Variants in USP3 observed in about 807,000 individuals in gnomAD.
USP3 encodes the protein ubiquitin carboxyl-terminal hydrolase 3.
A neutral mutation model predicts 72.3 loss-of-function variants in USP3; 20 were observed. The observed-to-expected ratio is 0.28, with a 90% confidence interval of 0.19 to 0.40. The LOEUF (loss-of-function observed/expected upper bound fraction) is 0.40. USP3 is among the 10% of genes least tolerant of loss of function. The pLI is 1.00. For missense variants in USP3, 479 were observed against 633.9 expected, an observed-to-expected ratio of 0.76 and a Z score of 2.62; for synonymous variants, 222 against 225.3, an observed-to-expected ratio of 0.99 and a Z score of 0.13.
chr15:63,544,610 A>C lies in USP3; in HGVS notation c.284+7454A>C. 1.5e-6 allele frequency: 1 copy of C among 686,546 alleles called. No homozygotes were observed. The highest frequency in any genetic ancestry group is 1.5e-5 in the South Asian group (1 of 64,680). 42.5% of individuals were successfully genotyped at this position (686,546 alleles called of 1,614,324 possible). ...TTTAGGACAAGAAAACGATTGAGCCATGCTGTGTGTTTTCATTTTTGGAGA... is the reference window on the plus strand; with the variant it reads ...TTTAGGACAAGAAAACGATTGAGCCCTGCTGTGTGTTTTCATTTTTGGAGA... On this transcript the variant is annotated intron_variant, in intron 3 of 14. Transcript: ENST00000380324. This position sits in a 1 kb window ranked among gnomAD's most constrained non-coding sequence, Gnocchi z 4.2.
At chr15:63,509,146 A>G (rs1006714787) in intron 1 of USP3, among the ~76,000 whole-genome samples, 5 of 152,124 alleles carry the variant, frequency 3.3e-5, no homozygotes, top group Non-Finnish European at 7.4e-5. Context: ...TTTCTCCACA[A>G]CCTACATTTA....
intron 2 of USP3, chr15:63,533,694 C>T (rs144577771): frequency 1.7e-5 from 6 of 362,528 alleles, no homozygotes; most frequent in African/African-American, 1.1e-4. Context: ...TGATTTTTCA[C>T]ATTTTGAGTC....
Position 63,508,880 on chromosome 15 carries a change from G to C in USP3, c.91+4050G>C, listed in dbSNP as rs2065747867. Among the ~76,000 whole-genome samples, 4 of 152,250 alleles carry C rather than the reference G, an allele frequency of 2.6e-5. No homozygotes were observed. In the South Asian group the frequency reaches 8.3e-4, roughly 32 times the overall value. On this transcript the variant is annotated intron_variant, in intron 1 of 14. Coordinates refer to ENST00000380324, the MANE Select transcript of USP3 (RefSeq NM_006537.4). ...TTGAGAGTGCCTCTTTAAGTTTTCA[G>C]TACACACTTGCCTTCATATTACTCT...
At chr15:63,530,507 T>C in intron 1 of USP3, 3 of 352,126 alleles carry the variant, frequency 8.5e-6, no homozygotes, top group Non-Finnish European at 1.7e-5. Context: ...GAGATGGAGT[T>C]TCACCATTTT....
At chr15:63,523,587 TA>T (rs1429706396) in intron 1 of USP3, among the ~76,000 whole-genome samples, 1 of 152,216 alleles carries the variant, frequency 6.6e-6, no homozygotes, top group African/African-American at 2.4e-5. Flanking sequence ...CTAGTTCAGC[TA>T]AAACAATGTG....
rs76379402 is a variant in USP3, at chr15:63,557,551, C to T, written c.451-555C>T. 7.8e-3 allele frequency among the ~76,000 whole-genome samples: 1,184 copies of T among 152,318 alleles called. 10 individuals carry two copies. The highest frequency in any genetic ancestry group is 0.028 in the African/African-American group (1,146 of 41,564). Reference sequence around the variant, plus strand: ...GTGCTAGGAGTACAGGCATGAGCCACCACACCCAGCCTTTTTGTATTTTTA... The same window carrying T: ...GTGCTAGGAGTACAGGCATGAGCCATCACACCCAGCCTTTTTGTATTTTTA... On this transcript the variant is annotated intron_variant, in intron 5 of 14. Coordinates refer to ENST00000380324, the MANE Select transcript of USP3 (RefSeq NM_006537.4).
intron 1 of USP3, among the ~76,000 whole-genome samples, chr15:63,510,500 G>A (rs1361299108): frequency 6.6e-6 from 1 of 152,054 alleles, no homozygotes; most frequent in Non-Finnish European, 1.5e-5. Context: ...AGATTTAGTC[G>A]GTAGATTATC....
chr15:63,516,136 C>T (rs1224581194), intron 1 of USP3, among the ~76,000 whole-genome samples: 3 of 152,034 alleles, frequency 2.0e-5, no homozygotes, highest in East Asian at 3.8e-4. Context: ...TCAATAATTG[C>T]CTCTTTTAAA....
Position 63,570,699 on chromosome 15 carries a change from CG to C in USP3, c.908+121del. 2 of 1,429,144 alleles carry C rather than the reference CG, an allele frequency of 1.4e-6. No homozygotes were observed. The highest frequency in any genetic ancestry group is 1.9e-6 in the Non-Finnish European group (2 of 1,067,976). 88.5% of individuals were successfully genotyped at this position (1,429,144 alleles called of 1,614,324 possible). A position where few individuals can be genotyped will look rare whatever the true frequency, so the allele number is the denominator to read the frequency against. On this transcript the variant is annotated intron_variant, in intron 9 of 14. Coordinates refer to ENST00000380324, the MANE Select transcript of USP3 (RefSeq NM_006537.4). The surrounding 1 kb of genome is among the most constrained non-coding windows in gnomAD (Gnocchi z 4.4). The stretch of plus-strand genomic sequence containing the variant: ...TTCTTGGACATTTGCTGGAACTTTT[CG>C]TGCCCTTGAACTTTGTGACCCAGTG...
At chr15:63,566,303 CT>C (rs1011143008) in intron 8 of USP3, among the ~76,000 whole-genome samples, 454 of 139,108 alleles carry the variant, frequency 3.3e-3, no homozygotes, top group Admixed American at 4.3e-3. Flanking sequence ...GCCTGTGATG[CT>C]TTTTTTTTTT....
chr15:63,541,795 C>G (rs2066248946), intron 3 of USP3, among the ~76,000 whole-genome samples: 1 of 152,008 alleles, frequency 6.6e-6, no homozygotes. Context: ...TATAATAAAA[C>G]CAGATGTCAA....
intron 11 of USP3, among the ~76,000 whole-genome samples, chr15:63,578,038 G>T (rs2066893893): frequency 1.3e-5 from 2 of 152,088 alleles, no homozygotes; most frequent in Non-Finnish European, 2.9e-5. Context: ...ACTTTGGGAG[G>T]CCAAGACGGG....
chr15:63,534,858 T>C (rs1210669528), intron 2 of USP3, among the ~76,000 whole-genome samples: 1 of 152,186 alleles, frequency 6.6e-6, no homozygotes, highest in Admixed American at 6.5e-5. Flanking sequence ...ATGATAAGAA[T>C]AGGTGATTAA....
chr15:63,581,547 CTAA>C (rs2066962562), intron 11 of USP3, among the ~76,000 whole-genome samples: 2 of 128,034 alleles, frequency 1.6e-5, no homozygotes, highest in African/African-American at 6.0e-5. Context: ...CCACACCCGG[CTAA>C]TTTTTTTTTT....
intron 3 of USP3, among the ~76,000 whole-genome samples, chr15:63,545,854 T>C (rs1261995147): frequency 6.6e-6 from 1 of 150,586 alleles, no homozygotes; most frequent in East Asian, 2.0e-4. Flanking sequence ...GTCTGTAGTC[T>C]CAGCTACTCG....
intron 1 of USP3, among the ~76,000 whole-genome samples, chr15:63,525,654 A>G (rs1042778445): frequency 6.6e-6 from 1 of 152,232 alleles, no homozygotes; most frequent in African/African-American, 2.4e-5. Flanking sequence ...CTGAAATTTC[A>G]GCATAGAATA....
At chr15:63,569,846 A>G (rs2066751266) in intron 8 of USP3, among the ~76,000 whole-genome samples, 1 of 152,256 alleles carries the variant, frequency 6.6e-6, no homozygotes, top group Non-Finnish European at 1.5e-5. Context: ...ATAACTGTAT[A>G]TGAGCCAATG....
intron 9 of USP3, among the ~76,000 whole-genome samples, chr15:63,573,226 T>G (rs1249824066): frequency 6.6e-6 from 1 of 152,242 alleles, no homozygotes; most frequent in Non-Finnish European, 1.5e-5. Flanking sequence ...GCAAACACTT[T>G]AAGTGCTTTA....
At position 63,590,975 on chromosome 15, in the gene USP3, T is replaced by C. The variant is rs547680542; in HGVS notation, c.*149T>C. ...GTCAATGGTAGTGACTTACTGAACA[T>C]GGGCACCAACTAATTTTGTTGTTGT... On this transcript the variant is annotated 3_prime_UTR_variant, in exon 15 of 15. Coordinates refer to ENST00000380324, the MANE Select transcript of USP3 (RefSeq NM_006537.4). 6 of 941,238 alleles carry C rather than the reference T, an allele frequency of 6.4e-6. No homozygotes were observed. The South Asian group carries it at 1.7e-4, about 27-fold the overall frequency. The allele number at this position is 941,238 out of a possible 1,614,324, so 58.3% of individuals were successfully genotyped here. A position where few individuals can be genotyped will look rare whatever the true frequency, so the allele number is the denominator to read the frequency against.
Sources: gnomAD v4.1 joint callset for allele counts (sites outside exome capture counted in the v4.1 genomes callset) on GRCh38, gnomAD v4.1.1 for gene constraint, Gnocchi (gnomAD v3.1) non-coding constraint, MANE v1.5 for transcripts, NCBI Gene and HGNC (gene_info 2026-07-23, HGNC 2026-07-21) for gene names.